Variants in UBE2E2 observed in about 807,000 individuals in gnomAD.
UBE2E2 encodes the protein ubiquitin-conjugating enzyme E2 E2.
Under a neutral mutation model 24.7 loss-of-function variants are expected in UBE2E2, and 6 were observed. The observed-to-expected ratio is 0.24, with a 90% CI of 0.13 to 0.48. The LOEUF is 0.48. UBE2E2 is among the 20% of genes least tolerant of loss of function. The probability of loss-of-function intolerance (pLI) is 0.99; values close to 1 mark genes in which losing one functional copy is unlikely to be tolerated. For synonymous variants in UBE2E2, 104 were observed against 83.6 expected (o/e 1.24, Z -1.33); for missense variants, 169 against 245.0 (o/e 0.69, Z 2.07).
At chr3:23,420,773 A>T (rs1236552766) in intron 3 of UBE2E2, among the ~76,000 whole-genome samples, 1 of 152,188 alleles carries the variant, frequency 6.6e-6, no homozygotes, top group African/African-American at 2.4e-5. Flanking sequence ...CTCTTTCAGG[A>T]AGCCTTTACC....
At chr3:23,578,281 A>G (rs974497193) in intron 5 of UBE2E2, among the ~76,000 whole-genome samples, 6 of 152,332 alleles carry the variant, frequency 3.9e-5, no homozygotes, top group African/African-American at 1.4e-4. Flanking sequence ...TCAAAAAACA[A>G]CAAATGCTGT....
chr3:23,502,006 C>T (rs1699731457), intron 4 of UBE2E2, among the ~76,000 whole-genome samples: 1 of 152,068 alleles, frequency 6.6e-6, no homozygotes, highest in Admixed American at 6.6e-5. Flanking sequence ...TTATCAACTC[C>T]TAATATATCA....
At position 23,577,319 on chromosome 3, in the gene UBE2E2, C is replaced by T. The variant is rs76284224; in HGVS notation, c.509-12415C>T. Among the ~76,000 whole-genome samples, 401 of 143,518 alleles carry T rather than the reference C, an allele frequency of 2.8e-3. 14 individuals carry two copies. In the East Asian group the frequency reaches 0.055, roughly 20 times the overall value. 94.2% of individuals were successfully genotyped at this position (143,518 alleles called of 152,430 possible). On this transcript the variant is annotated intron_variant, in intron 5 of 5. Coordinates refer to ENST00000396703, the MANE Select transcript of UBE2E2 (RefSeq NM_152653.4). ...ATACAAAGTGCTACTTTGATGAACA[C>T]AGGAATGATTTAAAAAAAAAAAAAA...
At chr3:23,252,898 T>C (rs1697613578) in intron 3 of UBE2E2, among the ~76,000 whole-genome samples, 1 of 152,230 alleles carries the variant, frequency 6.6e-6, no homozygotes, top group South Asian at 2.1e-4. Context: ...TATTTTACTT[T>C]CATATCTAAA....
At chr3:23,410,044 G>C (rs566056052) in intron 3 of UBE2E2, among the ~76,000 whole-genome samples, 1 of 152,220 alleles carries the variant, frequency 6.6e-6, no homozygotes, top group Admixed American at 6.5e-5. Context: ...TGTGAGTTCT[G>C]GGGGTTAAGA....
At chr3:23,397,944 T>C (rs60982913) in intron 3 of UBE2E2, among the ~76,000 whole-genome samples, 3,892 of 152,272 alleles carry the variant, frequency 0.026, 71 homozygotes, top group Middle Eastern at 0.058. Context: ...GAATGATAAA[T>C]ACTATCATTT....
intron 5 of UBE2E2, among the ~76,000 whole-genome samples, chr3:23,560,048 TTATATATG>T (rs965942709): frequency 3.3e-5 from 5 of 152,258 alleles, no homozygotes; most frequent in South Asian, 4.1e-4. Flanking sequence ...ATCTTTCTTT[TTATATATG>T]TATATATGTA....
chr3:23,229,017 A>G (rs375731551), intron 3 of UBE2E2, among the ~76,000 whole-genome samples: 21 of 152,052 alleles, frequency 1.4e-4, no homozygotes, highest in Non-Finnish European at 2.9e-4. Flanking sequence ...CCCCCTCCCA[A>G]CATTCCGCTA....
intron 3 of UBE2E2, among the ~76,000 whole-genome samples, chr3:23,246,247 G>A (rs1168883885): frequency 1.0e-5 from 1 of 96,570 alleles, no homozygotes; most frequent in African/African-American, 4.6e-5. Flanking sequence ...TCGAGATGGA[G>A]TCTCGCTCTG....
At chr3:23,301,861 C>T (rs1381325602) in intron 3 of UBE2E2, among the ~76,000 whole-genome samples, 3 of 140,536 alleles carry the variant, frequency 2.1e-5, no homozygotes, top group Admixed American at 2.0e-4. Context: ...ACACTGGGAG[C>T]TGTAGACGGG....
intron 3 of UBE2E2, among the ~76,000 whole-genome samples, chr3:23,400,422 A>G (rs1697189725): frequency 6.6e-6 from 1 of 152,126 alleles, no homozygotes; most frequent in Non-Finnish European, 1.5e-5. Flanking sequence ...CTCTTGCCTC[A>G]GCCTCCTGAG....
At chr3:23,355,751 C>T (rs1377625049) in intron 3 of UBE2E2, among the ~76,000 whole-genome samples, 2 of 152,190 alleles carry the variant, frequency 1.3e-5, no homozygotes, top group Non-Finnish European at 2.9e-5. Flanking sequence ...ACCTGTATTG[C>T]ATGAGCAATA....
At chr3:23,386,528 T>G (rs1559369001) in intron 3 of UBE2E2, among the ~76,000 whole-genome samples, 1 of 152,240 alleles carries the variant, frequency 6.6e-6, no homozygotes, top group African/African-American at 2.4e-5. Flanking sequence ...GAGTTTATTC[T>G]GTAGATGAAT....
intron 3 of UBE2E2, among the ~76,000 whole-genome samples, chr3:23,269,272 A>C (rs7636683): frequency 0.34 from 52,087 of 152,056 alleles, 9,149 homozygotes; most frequent in South Asian, 0.4. Flanking sequence ...GGCAACCTAC[A>C]AAATGGGAGA....
intron 3 of UBE2E2, among the ~76,000 whole-genome samples, chr3:23,408,442 A>C (rs2125378592): frequency 6.6e-6 from 1 of 152,304 alleles, no homozygotes; most frequent in South Asian, 2.1e-4. Flanking sequence ...ACATCCTGCA[A>C]CTTTGGTCCT....
At chr3:23,478,935 G>A (rs1023077355) in intron 3 of UBE2E2, among the ~76,000 whole-genome samples, 1 of 151,562 alleles carries the variant, frequency 6.6e-6, no homozygotes, top group African/African-American at 2.4e-5. Flanking sequence ...GCACATGCCT[G>A]TGGTTCCAGC....
chr3:23,462,134 C>G (rs926819099), intron 3 of UBE2E2, among the ~76,000 whole-genome samples: 1 of 152,148 alleles, frequency 6.6e-6, no homozygotes, highest in African/African-American at 2.4e-5. Flanking sequence ...CTCCCCAATG[C>G]TGTCACTATT....
chr3:23,431,993 T>C (rs1376045471), intron 3 of UBE2E2, among the ~76,000 whole-genome samples: 1 of 152,182 alleles, frequency 6.6e-6, no homozygotes, highest in East Asian at 1.9e-4. Flanking sequence ...TATCTAATGA[T>C]TTAAGTGTAA....
chr3:23,223,962 G>T (rs1034954352), intron 3 of UBE2E2, among the ~76,000 whole-genome samples: 9 of 152,088 alleles, frequency 5.9e-5, no homozygotes, highest in African/African-American at 2.2e-4. Context: ...CTGTAAATGC[G>T]TGGATTTATA....
Sources: gnomAD v4.1 joint callset for allele counts (sites outside exome capture counted in the v4.1 genomes callset) on GRCh38, gnomAD v4.1.1 for gene constraint, MANE v1.5 for transcripts, NCBI Gene and HGNC (gene_info 2026-07-23, HGNC 2026-07-21) for gene names.